DENND1A: variants seen among roughly 807,000 people sequenced by gnomAD.
DENND1A encodes DENN domain containing 1A, also known as DENN domain-containing protein 1A.
In DENND1A, 51 loss-of-function variants were observed where a neutral mutation model predicts 113.7. The ratio of observed to expected loss-of-function variants is 0.45; its 90% CI spans 0.36 to 0.57. DENND1A has a LOEUF of 0.57. Among genes scored for constraint, DENND1A ranks in the 20% least tolerant of loss-of-function variants. The pLI, the probability that DENND1A is intolerant of heterozygous loss-of-function variation, is 0.00. For synonymous variants in DENND1A, 565 were observed against 570.8 expected, an observed-to-expected ratio of 0.99 and a Z score of 0.14; for missense variants, 1,258 against 1,395.9, an observed-to-expected ratio of 0.90 and a Z score of 1.57.
intron 2 of DENND1A, among the ~76,000 whole-genome samples, chr9:123,876,916 T>A (rs1367912150): frequency 2.0e-5 from 3 of 152,108 alleles, no homozygotes; most frequent in Non-Finnish European, 4.4e-5. Context: ...GTTCCATGGA[T>A]GGAACTGGAG....
chr9:123,570,928 GCCTTTA>G (rs1350718685), intron 12 of DENND1A, among the ~76,000 whole-genome samples: 3 of 152,056 alleles, frequency 2.0e-5, no homozygotes, highest in Non-Finnish European at 4.4e-5. Flanking sequence ...CTGTAAACAC[GCCTTTA>G]GATCTAAAAG....
chr9:123,396,575 C>T (rs1463107715), intron 21 of DENND1A, among the ~76,000 whole-genome samples: 2 of 152,218 alleles, frequency 1.3e-5, no homozygotes, highest in Admixed American at 6.5e-5. Context: ...GTTCTGAGAC[C>T]TGGGCTTCGG....
chr9:123,642,406 G>A (rs2062078045), intron 9 of DENND1A, among the ~76,000 whole-genome samples: 1 of 152,202 alleles, frequency 6.6e-6, no homozygotes, highest in Non-Finnish European at 1.5e-5. Flanking sequence ...AAGTTTGGCT[G>A]CAAAGCCTCT....
intron 6 of DENND1A, among the ~76,000 whole-genome samples, chr9:123,673,170 T>C (rs1333473411): frequency 6.6e-6 from 1 of 152,286 alleles, no homozygotes; most frequent in Admixed American, 6.5e-5. Flanking sequence ...ATTAATTCAC[T>C]TGATATCTCT....
chr9:123,403,789 C>T (rs1471633205), intron 20 of DENND1A, among the ~76,000 whole-genome samples: 1 of 152,106 alleles, frequency 6.6e-6, no homozygotes, highest in East Asian at 1.9e-4. Flanking sequence ...TGGTGAGGGT[C>T]CAATGAGATG....
chr9:123,652,683 C>T (rs913052011), intron 8 of DENND1A, among the ~76,000 whole-genome samples: 1 of 152,144 alleles, frequency 6.6e-6, no homozygotes, highest in African/African-American at 2.4e-5. Flanking sequence ...GGTATCCCCT[C>T]CTTCACAGTT....
chr9:123,416,626 A>C (rs1245900692), intron 19 of DENND1A, among the ~76,000 whole-genome samples: 2 of 152,192 alleles, frequency 1.3e-5, no homozygotes, highest in Non-Finnish European at 2.9e-5. Context: ...TTTGCTAAGG[A>C]GAGTTCAATT....
intron 20 of DENND1A, 84 bp from the exon 21 acceptor site, chr9:123,403,574 G>GC (rs937032111): frequency 4.8e-5 from 61 of 1,282,282 alleles, no homozygotes; most frequent in Middle Eastern, 3.7e-4. Flanking sequence ...TGGATAAACG[G>GC]CCCCCCCAAA....
In DENND1A at chr9:123,557,991, C is replaced by CAA. The variant is rs111968520; in HGVS notation, c.868-298_868-297dup. ...TGGGCGACAGAGAGAAACTCAGTCT[C>CAA]AAAAAAAAAAAAGTGTTCAGAATTA... On this transcript the variant is annotated intron_variant, in intron 12 of 23. Transcript: ENST00000394215. Among the ~76,000 whole-genome samples the CAA allele has an allele frequency of 1.0e-3, 140 of 138,540 alleles. 1 individual carries two copies. The highest frequency in any genetic ancestry group is 3.2e-3 in the African/African-American group (121 of 37,984). 90.9% of individuals were successfully genotyped at this position (138,540 alleles called of 152,430 possible).
At chr9:123,386,965 C>T (rs780867958) in intron 22 of DENND1A, among the ~76,000 whole-genome samples, 1 of 152,218 alleles carries the variant, frequency 6.6e-6, no homozygotes, top group Non-Finnish European at 1.5e-5. Context: ...GATTAACGTG[C>T]CCCCTGGAAG....
chr9:123,520,147 C>CCAAAAAAAA, intron 13 of DENND1A, among the ~76,000 whole-genome samples: 1 of 37,298 alleles, frequency 2.7e-5, no homozygotes, highest in Non-Finnish European at 6.0e-5. Flanking sequence ...GATCCTGTCT[C>CCAAAAAAAA]AAAAAAAAAA....
intron 1 of DENND1A, among the ~76,000 whole-genome samples, chr9:123,901,787 G>A (rs903979214): frequency 5.9e-5 from 9 of 152,024 alleles, no homozygotes; most frequent in African/African-American, 9.7e-5. Context: ...GGTGGATCAC[G>A]AGGTCAGAAG....
At position 123,811,552 on chromosome 9, in the gene DENND1A, G is replaced by A. The variant is rs141619448; in HGVS notation, c.89-18922C>T. On this transcript the variant is annotated intron_variant, in intron 2 of 23. Transcript: ENST00000394215. Reference sequence around the variant, plus strand: ...AGGCGGGCAGATCACAAGGTCAGGAGATCAAGACCATTGTGGCTAACATGG... The same window carrying A: ...AGGCGGGCAGATCACAAGGTCAGGAAATCAAGACCATTGTGGCTAACATGG... Among the ~76,000 whole-genome samples, 118 of 152,304 alleles carry A rather than the reference G, an allele frequency of 7.7e-4. 1 individual carries two copies. Among genetic ancestry groups the A allele is most frequent in the Middle Eastern group, 3.4e-3 (1 of 294 alleles).
intron 1 of DENND1A, among the ~76,000 whole-genome samples, chr9:123,890,388 C>T (rs932932145): frequency 8.5e-5 from 13 of 152,122 alleles, no homozygotes; most frequent in Admixed American, 3.3e-4. Context: ...AATGTCAAGG[C>T]GTTCATGAAG....
In DENND1A at chr9:123,623,067, CTT is replaced by C. The variant is rs771614245; in HGVS notation, c.719+7307_719+7308del. On this transcript the variant is annotated intron_variant, in intron 10 of 23. Transcript: ENST00000394215. ...CTCCTTTCGTTTTCTCTGCCATCTG[CTT>C]TTGTTTCTTTTCTTTTCATTCTTAT... 7.2e-5 allele frequency among the ~76,000 whole-genome samples: 11 copies of C among 152,290 alleles called. No homozygotes were observed. The East Asian group carries it at 2.1e-3, about 29-fold the overall frequency.
At chr9:123,623,586 G>T (rs2061055884) in intron 10 of DENND1A, among the ~76,000 whole-genome samples, 1 of 152,148 alleles carries the variant, frequency 6.6e-6, no homozygotes, top group South Asian at 2.1e-4. Context: ...AATATTTAGG[G>T]CAGCCCATTT....
chr9:123,584,181 T>C (rs1264409903), intron 11 of DENND1A, among the ~76,000 whole-genome samples: 3 of 152,214 alleles, frequency 2.0e-5, no homozygotes, highest in Non-Finnish European at 2.9e-5. Flanking sequence ...ATTAGAACTA[T>C]TGTCTTTATT....
intron 17 of DENND1A, among the ~76,000 whole-genome samples, chr9:123,452,033 C>CAA (rs10653405): frequency 0.92 from 123,681 of 134,818 alleles, 57,175 homozygotes; most frequent in Non-Finnish European, 0.97. Context: ...CCTGTCTCTC[C>CAA]AAAAAAAAAA....
chr9:123,847,535 A>T (rs1842788306), intron 2 of DENND1A, among the ~76,000 whole-genome samples: 1 of 152,232 alleles, frequency 6.6e-6, no homozygotes, highest in South Asian at 2.1e-4. Flanking sequence ...GAATAAGGAC[A>T]TCTTCAGATA....
Sources: allele counts gnomAD v4.1 joint callset (sites outside exome capture counted in the v4.1 genomes callset), GRCh38; gene constraint gnomAD v4.1.1; transcripts MANE v1.5; gene names NCBI Gene and HGNC (gene_info 2026-07-23, HGNC 2026-07-21).